The following OSBP variants were observed in gnomAD, a reference collection of about 807,000 sequenced individuals.
The protein encoded by OSBP is oxysterol binding protein, also known as oxysterol-binding protein 1.
OSBP carries 32 observed loss-of-function variants against 96.6 expected under a neutral mutation model. That is an observed-to-expected ratio of 0.33 (90% CI 0.25 to 0.45). The LOEUF is 0.45. Ranked by LOEUF, OSBP falls within the 20% of genes least tolerant of loss-of-function variation. The pLI is 1.00. For synonymous variants in OSBP, 369 were observed against 389.6 expected, an observed-to-expected ratio of 0.95 and a Z score of 0.62; for missense variants, 653 against 1,029.7, an observed-to-expected ratio of 0.63 and a Z score of 5.01.
In OSBP at chr11:59,576,592, G is replaced by A. The variant is rs1484381460; in HGVS notation, c.2409C>T (p.Cys803=). ...TACTGCCGTTTCAGAAAATGTCCGGGCATGAGCTCCAGTCCTGTTTTTCTT... is the reference window on the plus strand; with the variant it reads ...TACTGCCGTTTCAGAAAATGTCCGGACATGAGCTCCAGTCCTGTTTTTCTT... ...ECKEKQDWSS[C]PDIF Residue 803 remains cysteine (C), a synonymous_variant, in exon 14 of 14, where the codon TGC becomes TGT. Transcript: ENST00000263847. 1.2e-6 allele frequency: 2 copies of A among 1,613,236 alleles called. No individual in the cohort carries two copies. Among genetic ancestry groups the A allele is most frequent in the South Asian group, 1.1e-5 (1 of 90,914 alleles).
intron 9 of OSBP, among the ~76,000 whole-genome samples, chr11:59,589,031 A>T (rs753386878): frequency 6.6e-6 from 1 of 152,124 alleles, no homozygotes; most frequent in African/African-American, 2.4e-5. Flanking sequence ...TAATAAAAAT[A>T]AAAAAATAAG....
In OSBP at chr11:59,576,488, A is replaced by G. The variant is rs1860362870; in HGVS notation, c.*89T>C. On this transcript the variant is annotated 3_prime_UTR_variant, in exon 14 of 14. Transcript: ENST00000263847. ...CAAGAGAGACAAACTTGAGGAAAGC[A>G]CTTGGTAAGAGAGTCACAACTTCCA... is the stretch of plus-strand genomic sequence containing the variant. The G allele has an allele frequency of 2.9e-6, 4 of 1,398,890 alleles. No individual in the cohort carries two copies. The Admixed American group carries it at 8.5e-5, about 30-fold the overall frequency. 86.7% of individuals were successfully genotyped at this position (1,398,890 alleles called of 1,614,324 possible). A position where few individuals can be genotyped will look rare whatever the true frequency, so the allele number is the denominator to read the frequency against.
intron 12 of OSBP, among the ~76,000 whole-genome samples, 200 bp downstream of exon 12, chr11:59,577,949 T>C (rs1295647233): frequency 1.3e-4 from 20 of 152,246 alleles, no homozygotes; most frequent in Admixed American, 1.0e-3. Context: ...CAGATGTAGT[T>C]TGGTTTGAAC....
rs746769792 is a variant in OSBP, at chr11:59,601,813, G to T, written c.848C>A (p.Ala283Asp). ...TTGCCATTTTTTACTATGGGTCTGG[G>T]CTAACATGAGGAAATCTCTGCAGGC... ...INACRDFLML[A>D]QTHSKKWQKS... The change falls in exon 4 of 14, where the codon GCC (alanine) becomes GAC (aspartate). Residue 283 changes from alanine (A) to aspartate (D), a missense_variant. Physicochemically the swap from Ala to Asp is moderately radical, Grantham distance 126. Transcript: ENST00000263847. 1 of 1,614,136 alleles carries T rather than the reference G, an allele frequency of 6.2e-7. No homozygotes were observed. The highest frequency in any genetic ancestry group is 8.5e-7 in the Non-Finnish European group (1 of 1,180,010).
At chr11:59,588,348 A>G (rs2134658843) in intron 9 of OSBP, among the ~76,000 whole-genome samples, 1 of 152,114 alleles carries the variant, frequency 6.6e-6, no homozygotes, top group East Asian at 1.9e-4. Context: ...AGCCAGGCCA[A>G]CATGGTGAAA....
At chr11:59,580,386 T>C in intron 10 of OSBP, 117 bp from the exon 11 acceptor site, 1 of 710,422 alleles carries the variant, frequency 1.4e-6, no homozygotes. Flanking sequence ...TTGTTTAAGA[T>C]TCAGATCTTA....
chr11:59,611,027 C>T (rs1454961333), intron 1 of OSBP, among the ~76,000 whole-genome samples: 1 of 150,362 alleles, frequency 6.7e-6, no homozygotes, highest in Non-Finnish European at 1.5e-5. Flanking sequence ...TCCAGCTACT[C>T]AGGAGGCTGA....
At chr11:59,598,008 A>AT (rs1860679315) in intron 7 of OSBP, among the ~76,000 whole-genome samples, 1 of 151,972 alleles carries the variant, frequency 6.6e-6, no homozygotes, top group South Asian at 2.1e-4. Flanking sequence ...GCCCAGCCGA[A>AT]TTTTTTATTA....
intron 3 of OSBP, among the ~76,000 whole-genome samples, chr11:59,605,649 G>A (rs1203083686): frequency 6.6e-6 from 1 of 152,164 alleles, no homozygotes; most frequent in East Asian, 1.9e-4. Flanking sequence ...GCCTCACAAA[G>A]TGCTGGGATT....
At chr11:59,604,846 C>A (rs914846419) in intron 3 of OSBP, among the ~76,000 whole-genome samples, 1 of 146,128 alleles carries the variant, frequency 6.8e-6, no homozygotes, top group African/African-American at 2.6e-5. Context: ...GAGAGCAATA[C>A]TCTGTCTCTA....
chr11:59,601,250 G>C (rs1431969748), intron 5 of OSBP, 33 bp downstream of exon 5: 8 of 1,201,646 alleles, frequency 6.7e-6, no homozygotes, highest in Non-Finnish European at 7.4e-6. Flanking sequence ...GTGAAGATAT[G>C]TTTATTTGCT....
Position 59,598,960 on chromosome 11 carries a change from T to G in OSBP, c.1311+1536A>C, listed in dbSNP as rs541171660. Reference sequence around the variant, plus strand: ...CCGGCTAGCTGGAATAAGGCTCTGATGACTCAAGCTGGAGCAGCCACTTTG... The same window carrying G: ...CCGGCTAGCTGGAATAAGGCTCTGAGGACTCAAGCTGGAGCAGCCACTTTG... On this transcript the variant is annotated intron_variant, in intron 7 of 13. Transcript: ENST00000263847. Among the ~76,000 whole-genome samples, 18 of 152,340 alleles carry G rather than the reference T, an allele frequency of 1.2e-4. No individual in the cohort carries two copies. In the South Asian group the frequency reaches 3.7e-3, roughly 32 times the overall value.
At chr11:59,583,444 T>G (rs1361696265) in intron 9 of OSBP, among the ~76,000 whole-genome samples, 1 of 152,116 alleles carries the variant, frequency 6.6e-6, no homozygotes, top group Admixed American at 6.6e-5. Context: ...AAAATTAAAG[T>G]AGCCCTAATA....
rs1860594991 is a variant in OSBP at position 59,592,332 on chromosome 11, A to G, written c.1678+1272T>C. Among the ~76,000 whole-genome samples, 6 of 152,356 alleles carry G rather than the reference A, an allele frequency of 3.9e-5. No individual in the cohort carries two copies. In the South Asian group the frequency reaches 1.2e-3, roughly 32 times the overall value. On this transcript the variant is annotated intron_variant, in intron 9 of 13. Transcript: ENST00000263847. ...TTTCTTTTCTCCCTTTACATATGTT[A>G]GAAAACATTTATGAACTTTTTTTCT...
rs142125325 is a variant in OSBP at position 59,600,871 on chromosome 11, C to T, written c.1127G>A (p.Arg376His). 20 of 1,612,778 alleles carry T rather than the reference C, an allele frequency of 1.2e-5. No individual in the cohort carries two copies. Among genetic ancestry groups the T allele is most frequent in the African/African-American group, 9.4e-5 (7 of 74,804 alleles). ...ITMPENLGHK[R>H]TGSNISGASS... ...GGCTCCACTGATATTGCTGCCAGTACGTCTGTACAGATGGGAAACACAGGA... is the reference window on the plus strand; with the variant it reads ...GGCTCCACTGATATTGCTGCCAGTATGTCTGTACAGATGGGAAACACAGGA... The change falls in exon 6 of 14, where the codon CGT (arginine) becomes CAT (histidine). Residue 376 changes from arginine to histidine, a missense_variant and splice_region_variant. By Grantham distance (29) the Arg-to-His change is conservative. This residue lies in a region of OSBP where 308 missense variants were observed against 573.1 expected (regional missense o/e 0.54). Coordinates refer to ENST00000263847, the MANE Select transcript of OSBP (RefSeq NM_002556.3).
chr11:59,595,755 C>T (rs1860641865), intron 7 of OSBP, among the ~76,000 whole-genome samples: 1 of 151,274 alleles, frequency 6.6e-6, no homozygotes. Context: ...GCCTGGGAAA[C>T]ATGGCAAAAC....
intron 9 of OSBP, among the ~76,000 whole-genome samples, chr11:59,583,448 C>T (rs1056929332): frequency 1.3e-5 from 2 of 151,886 alleles, no homozygotes; most frequent in Non-Finnish European, 2.9e-5. Context: ...TTAAAGTAGC[C>T]CTAATAATTG....
Position 59,600,699 on chromosome 11 carries a change from C to T in OSBP, c.1180-72G>A, listed in dbSNP as rs1860712712. The T allele has an allele frequency of 4.4e-6, 7 of 1,575,700 alleles. No individual in the cohort carries two copies. The East Asian group carries it at 6.7e-5, about 15-fold the overall frequency. ...CCTGGTATTTATAACCTTCCCTTCCCCCGTGCTAAAAAAAGAAAAAAAAAT... is the reference window on the plus strand; with the variant it reads ...CCTGGTATTTATAACCTTCCCTTCCTCCGTGCTAAAAAAAGAAAAAAAAAT... On this transcript the variant is annotated intron_variant, in intron 6 of 13. Transcript: ENST00000263847.
chr11:59,593,724 C>T lies in OSBP; in HGVS notation c.1558G>A (p.Val520Met). The T allele has an allele frequency of 6.2e-7, 1 of 1,613,902 alleles. No individual in the cohort carries two copies. The highest frequency in any genetic ancestry group is 8.5e-7 in the Non-Finnish European group (1 of 1,179,936). ...ENGYRSLCEQ[V>M]SHHPPAAAHH... ...GCAGCAGCAGGGGGATGATGACTCA[C>T]CTTGAAGAAATCAGGTTCAAATTAA... Residue 520 changes from valine (V) to methionine (M), a missense_variant and splice_region_variant, in exon 9 of 14, where the codon GTG (valine) becomes ATG (methionine). By Grantham distance (21) the Val-to-Met change is conservative (BLOSUM62 1). Transcript: ENST00000263847.
Sources: gnomAD v4.1 joint callset for allele counts (sites outside exome capture counted in the v4.1 genomes callset) on GRCh38, gnomAD v4.1.1 for gene constraint, gnomAD v4.1.1 regional missense constraint, MANE v1.5 for transcripts, NCBI Gene and HGNC (gene_info 2026-07-23, HGNC 2026-07-21) for gene names.